RABGAP1L: variants seen among roughly 807,000 people sequenced by gnomAD.
The protein encoded by RABGAP1L is rab GTPase-activating protein 1-like.
A neutral mutation model predicts 137.7 loss-of-function variants in RABGAP1L; 63 were observed. The observed-to-expected ratio is 0.46, with a 90% CI of 0.37 to 0.56. RABGAP1L has a LOEUF of 0.56. Among genes scored for constraint, RABGAP1L ranks in the 20% least tolerant of loss-of-function variants. RABGAP1L has a pLI of 0.00. For missense variants in RABGAP1L, 1,095 were observed against 1,244.0 expected (o/e 0.88, Z 1.80); for synonymous variants, 431 against 433.7 (o/e 0.99, Z 0.08).
At chr1:174,816,931 A>G (rs1436602699) in intron 19 of RABGAP1L, among the ~76,000 whole-genome samples, 1 of 151,994 alleles carries the variant, frequency 6.6e-6, no homozygotes, top group Non-Finnish European at 1.5e-5. Context: ...GGGTTTCACC[A>G]TGTTGGCCAG....
intron 5 of RABGAP1L, chr1:174,244,186 G>C (rs1389969126): frequency 6.6e-6 from 1 of 152,210 alleles, no homozygotes; most frequent in Non-Finnish European, 1.5e-5. Flanking sequence ...GCCTCTTGAT[G>C]GGCACAAACA....
At chr1:174,289,308 G>A (rs1027850559) in intron 10 of RABGAP1L, among the ~76,000 whole-genome samples, 11 of 152,164 alleles carry the variant, frequency 7.2e-5, no homozygotes, top group Non-Finnish European at 4.4e-5. Flanking sequence ...TCCCAAAGTG[G>A]TAGGATTATA....
intron 19 of RABGAP1L, among the ~76,000 whole-genome samples, chr1:174,851,082 A>T (rs1020105305): frequency 6.6e-6 from 1 of 152,238 alleles, no homozygotes; most frequent in Non-Finnish European, 1.5e-5. Flanking sequence ...CCCAACAGGC[A>T]TCTTGATTTC....
At chr1:174,214,927 G>A (rs1256536925) in intron 1 of RABGAP1L, among the ~76,000 whole-genome samples, 1 of 152,106 alleles carries the variant, frequency 6.6e-6, no homozygotes, top group Non-Finnish European at 1.5e-5. Context: ...GTTGGACTGG[G>A]CAAAGATTTA....
intron 13 of RABGAP1L, among the ~76,000 whole-genome samples, chr1:174,506,142 G>A (rs1210922442): frequency 1.3e-5 from 2 of 152,212 alleles, no homozygotes; most frequent in African/African-American, 4.8e-5. Flanking sequence ...GAGGCTGGAG[G>A]ATTGGGAAGA....
At chr1:174,344,692 T>C (rs1299019960) in intron 11 of RABGAP1L, among the ~76,000 whole-genome samples, 4 of 152,198 alleles carry the variant, frequency 2.6e-5, no homozygotes, top group African/African-American at 9.7e-5. Flanking sequence ...GAGTGACTGA[T>C]TCACAATGGA....
chr1:174,893,837 G>T (rs763702496), intron 19 of RABGAP1L, among the ~76,000 whole-genome samples: 1 of 152,124 alleles, frequency 6.6e-6, no homozygotes, highest in Non-Finnish European at 1.5e-5. Flanking sequence ...GGGCCTGTTG[G>T]AACAGTTTGT....
chr1:174,867,408 G>A (rs138610315), intron 19 of RABGAP1L, among the ~76,000 whole-genome samples: 157 of 152,050 alleles, frequency 1.0e-3, no homozygotes, highest in Middle Eastern at 3.4e-3. Context: ...CCATATTTTC[G>A]TTATATAAGG....
chr1:174,774,282 C>T (rs527898953), intron 18 of RABGAP1L, among the ~76,000 whole-genome samples: 15 of 152,176 alleles, frequency 9.9e-5, no homozygotes, highest in African/African-American at 2.9e-4. Flanking sequence ...TTGTGTCATA[C>T]GTAAGCTTGA....
Position 174,548,151 on chromosome 1 carries a change from G to GTTAC in RABGAP1L, c.1711-89223_1711-89220dup, listed in dbSNP as rs1365445909. The stretch of plus-strand genomic sequence containing the variant: ...TTTATGGATCATTTCCCAGGTTGAT[G>GTTAC]TTACATATGTTCATTTTACAACCTG... On this transcript the variant is annotated intron_variant, in intron 13 of 25. Coordinates refer to ENST00000681986, the MANE Select transcript of RABGAP1L (RefSeq NM_001366446.1). The GTTAC allele has an allele frequency of 2.0e-6, 3 of 1,484,102 alleles. No homozygotes were observed. The East Asian group carries it at 7.4e-5, about 37-fold the overall frequency. The allele number at this position is 1,484,102 out of a possible 1,614,324, so 91.9% of individuals were successfully genotyped here.
At chr1:174,633,604 G>A (rs1303015897) in intron 13 of RABGAP1L, among the ~76,000 whole-genome samples, 2 of 125,664 alleles carry the variant, frequency 1.6e-5, no homozygotes, top group Non-Finnish European at 3.2e-5. Context: ...GAACAAAGCT[G>A]GAGGCAGCAC....
intron 14 of RABGAP1L, among the ~76,000 whole-genome samples, chr1:174,656,209 C>T (rs977400418): frequency 3.3e-5 from 5 of 152,186 alleles, no homozygotes; most frequent in South Asian, 2.1e-4. Flanking sequence ...GTAATCCCAG[C>T]ACTTTGGGAG....
intron 4 of RABGAP1L, among the ~76,000 whole-genome samples, chr1:174,234,258 C>G (rs1670954071): frequency 9.0e-6 from 1 of 110,518 alleles, no homozygotes; most frequent in Non-Finnish European, 1.7e-5. Context: ...TGTGCAGAAG[C>G]TCTTTAGTTT....
chr1:174,187,756 T>G (rs948951657), intron 1 of RABGAP1L, among the ~76,000 whole-genome samples: 1 of 152,096 alleles, frequency 6.6e-6, no homozygotes, highest in Non-Finnish European at 1.5e-5. Context: ...GTAGGAAACT[T>G]AGAAACACTA....
At chr1:174,386,893 T>C (rs1686841515) in intron 12 of RABGAP1L, among the ~76,000 whole-genome samples, 1 of 152,166 alleles carries the variant, frequency 6.6e-6, no homozygotes, top group Non-Finnish European at 1.5e-5. Flanking sequence ...AGGCAGTACT[T>C]GAAGCTTCTA....
At chr1:174,549,842 C>G (rs1349380488) in intron 13 of RABGAP1L, among the ~76,000 whole-genome samples, 1 of 152,164 alleles carries the variant, frequency 6.6e-6, no homozygotes, top group Non-Finnish European at 1.5e-5. Flanking sequence ...CTTCCTTCAG[C>G]CTCACCCAAG....
intron 1 of RABGAP1L, among the ~76,000 whole-genome samples, chr1:174,196,230 T>G (rs950970180): frequency 1.3e-5 from 2 of 150,060 alleles, no homozygotes; most frequent in African/African-American, 4.9e-5. Flanking sequence ...TTTCTTTCTT[T>G]TTTTTTTTTT....
chr1:174,530,207 C>T (rs1664267291), intron 13 of RABGAP1L, among the ~76,000 whole-genome samples: 1 of 151,938 alleles, frequency 6.6e-6, no homozygotes, highest in African/African-American at 2.4e-5. Flanking sequence ...CTACTTGCAC[C>T]TCAGTCCCAG....
At chr1:174,953,894 G>C (rs1668108172) in intron 19 of RABGAP1L, among the ~76,000 whole-genome samples, 1 of 152,200 alleles carries the variant, frequency 6.6e-6, no homozygotes, top group African/African-American at 2.4e-5. Flanking sequence ...ATTGGGCAAG[G>C]AGTAGGTACA....
Sources: allele counts gnomAD v4.1 joint callset (sites outside exome capture counted in the v4.1 genomes callset), GRCh38; gene constraint gnomAD v4.1.1; transcripts MANE v1.5; gene names NCBI Gene and HGNC (gene_info 2026-07-23, HGNC 2026-07-21).